CACNA2D3: variants seen among roughly 807,000 people sequenced by gnomAD.
CACNA2D3 encodes voltage-dependent calcium channel subunit alpha-2/delta-3.
CACNA2D3 carries 60 observed loss-of-function variants against 160.6 expected under a neutral mutation model. The ratio of observed to expected loss-of-function variants is 0.37; its 90% CI spans 0.30 to 0.46. The LOEUF (loss-of-function observed/expected upper bound fraction) is 0.46, where lower values mean the gene tolerates loss of function less well. Ranked by LOEUF, CACNA2D3 falls within the 20% of genes least tolerant of loss-of-function variation. The probability of loss-of-function intolerance (pLI) is 1.00; values close to 1 mark genes in which losing one functional copy is unlikely to be tolerated. For missense variants in CACNA2D3, 1,205 were observed against 1,365.0 expected (o/e 0.88, Z 1.85); for synonymous variants, 558 against 492.9 (o/e 1.13, Z -1.75).
intron 2 of CACNA2D3, among the ~76,000 whole-genome samples, chr3:54,307,499 T>C (rs1365037804): frequency 6.6e-6 from 1 of 152,174 alleles, no homozygotes; most frequent in Non-Finnish European, 1.5e-5. Flanking sequence ...TAGGGAATTA[T>C]ATGTCAGCGT....
rs59534343 is a variant in CACNA2D3, at chr3:54,303,818, G to GTTTTTTGT, written c.205-16618_205-16617insGTTTTTTT. On this transcript the variant is annotated intron_variant, in intron 2 of 37. Transcript: ENST00000474759. ...CAGCCTCATCAGTGACTTTTTTTCT[G>GTTTTTTGT]TTTTTTTTTTTTTTTTTTTTCTATT... 1.1e-3 allele frequency among the ~76,000 whole-genome samples: 123 copies of GTTTTTTGT among 115,004 alleles called. 11 individuals carry two copies. Among genetic ancestry groups the GTTTTTTGT allele is most frequent in the Non-Finnish European group, 1.3e-3 (77 of 58,420 alleles). The allele number at this position is 115,004 out of a possible 152,430, so 75.4% of individuals were successfully genotyped here.
chr3:54,894,602 A>G, intron 25 of CACNA2D3: 2 of 516,352 alleles, frequency 3.9e-6, no homozygotes. Flanking sequence ...TGTAATGACC[A>G]CTGAACAGAC....
rs66526065 is a variant in CACNA2D3, at chr3:54,554,870, C to CTTTTTTTTTTTTTTTTTTTTTTTTT, written c.545-7909_545-7908insTTTTTTTTTTTTTTTTTTTTTTTTT. Among the ~76,000 whole-genome samples the CTTTTTTTTTTTTTTTTTTTTTTTTT allele has an allele frequency of 1.7e-4, 16 of 96,130 alleles. 1 individual carries two copies. The highest frequency in any genetic ancestry group is 3.0e-4 in the African/African-American group (7 of 23,608). 63.1% of individuals were successfully genotyped at this position (96,130 alleles called of 152,430 possible). A position where few individuals can be genotyped will look rare whatever the true frequency, so the allele number is the denominator to read the frequency against. On this transcript the variant is annotated intron_variant, in intron 5 of 37. Coordinates refer to ENST00000474759, the MANE Select transcript of CACNA2D3 (RefSeq NM_018398.3). Reference sequence around the variant, plus strand: ...TTTCTTTTCTTTTCTCTCTCACTCTCTTTTTTTTTTTTTTTTTTTTTGGAG... The same window carrying CTTTTTTTTTTTTTTTTTTTTTTTTT: ...TTTCTTTTCTTTTCTCTCTCACTCTCTTTTTTTTTTTTTTTTTTTTTTTTTTTTTTTTTTTTTTTTTTTTTTGGAG...
At chr3:54,186,487 G>A (rs1045433554) in intron 2 of CACNA2D3, among the ~76,000 whole-genome samples, 9 of 152,046 alleles carry the variant, frequency 5.9e-5, no homozygotes, top group African/African-American at 1.9e-4. Context: ...AGGGGGCATT[G>A]GGGAAGTATT....
chr3:54,455,812 C>T (rs543558479), intron 4 of CACNA2D3, among the ~76,000 whole-genome samples: 1 of 152,230 alleles, frequency 6.6e-6, no homozygotes, highest in African/African-American at 2.4e-5. Flanking sequence ...GTATTTCCAG[C>T]ACCATTTATT....
chr3:54,327,361 A>G (rs1279496593), intron 3 of CACNA2D3, among the ~76,000 whole-genome samples: 1 of 152,224 alleles, frequency 6.6e-6, no homozygotes, highest in Admixed American at 6.5e-5. Context: ...TCAGTTTTCC[A>G]TCAGCCTCAC....
Position 54,831,022 on chromosome 3 carries a change from A to AACATAGTCAAT in CACNA2D3, c.1399-6135_1399-6125dup, listed in dbSNP as rs571958557. 4.4e-3 allele frequency among the ~76,000 whole-genome samples: 672 copies of AACATAGTCAAT among 152,350 alleles called. 5 individuals are homozygous for AACATAGTCAAT. Among genetic ancestry groups the AACATAGTCAAT allele is most frequent in the Middle Eastern group, 6.8e-3 (2 of 294 alleles). On this transcript the variant is annotated intron_variant, in intron 14 of 37. Coordinates refer to ENST00000474759, the MANE Select transcript of CACNA2D3 (RefSeq NM_018398.3). ...GTATTATACATTTATATTATTTACT[A>AACATAGTCAAT]ACATAGTCAATATGTTGATCAATGT...
At chr3:54,777,872 G>C (rs1277443344) in intron 13 of CACNA2D3, among the ~76,000 whole-genome samples, 1 of 152,196 alleles carries the variant, frequency 6.6e-6, no homozygotes, top group Non-Finnish European at 1.5e-5. Flanking sequence ...GACTTTTTCT[G>C]TCTGCCTCTG....
At chr3:55,020,655 GC>G (rs1306288665) in intron 35 of CACNA2D3, among the ~76,000 whole-genome samples, 8 of 151,826 alleles carry the variant, frequency 5.3e-5, no homozygotes, top group African/African-American at 1.7e-4. Context: ...TTTGAGACCA[GC>G]CTGGCCAACA....
chr3:54,843,330 G>C (rs148231581), intron 16 of CACNA2D3, among the ~76,000 whole-genome samples: 1 of 152,208 alleles, frequency 6.6e-6, no homozygotes, highest in East Asian at 1.9e-4. Context: ...GCAAAGTGCA[G>C]GTCAGGAGAG....
intron 3 of CACNA2D3, among the ~76,000 whole-genome samples, chr3:54,348,751 C>T (rs182067615): frequency 5.3e-4 from 80 of 152,186 alleles, no homozygotes; most frequent in African/African-American, 1.2e-3. Flanking sequence ...TTTTTTGAGA[C>T]GGAGTCTCGC....
At chr3:54,412,610 C>CTTTTT (rs774491527) in intron 4 of CACNA2D3, among the ~76,000 whole-genome samples, 1 of 120,618 alleles carries the variant, frequency 8.3e-6, no homozygotes, top group Non-Finnish European at 1.7e-5. Flanking sequence ...TGGTCTTGTT[C>CTTTTT]TTTTTTTTTT....
In CACNA2D3 at chr3:54,819,611, C is replaced by G. The variant is rs4955896; in HGVS notation, c.1398+2741C>G. Among the ~76,000 whole-genome samples, 1,323 of 152,274 alleles carry G rather than the reference C, an allele frequency of 8.7e-3. 36 individuals carry two copies. Among genetic ancestry groups the G allele is most frequent in the Admixed American group, 0.043 (654 of 15,294 alleles). ...CCTGTAATCCTAGTGCTTTGGGAGG[C>G]CGAGGCAGGTGGATTACGAGGTCAG... On this transcript the variant is annotated intron_variant, in intron 14 of 37. Transcript: ENST00000474759.
At chr3:54,213,961 T>A (rs1701420839) in intron 2 of CACNA2D3, among the ~76,000 whole-genome samples, 1 of 152,280 alleles carries the variant, frequency 6.6e-6, no homozygotes, top group South Asian at 2.1e-4. Context: ...GAGTGGTTGG[T>A]CCACCACTGG....
chr3:54,891,554 A>G (rs1017814774), intron 25 of CACNA2D3, 104 bp downstream of exon 25: 11 of 909,216 alleles, frequency 1.2e-5, no homozygotes, highest in Non-Finnish European at 1.9e-5. Flanking sequence ...TAGAAACATA[A>G]TTTAGGCCAC....
chr3:54,253,107 C>CT lies in CACNA2D3; in HGVS notation c.205-67320dup, dbSNP rs34188932. Among the ~76,000 whole-genome samples, 1,224 of 138,564 alleles carry CT rather than the reference C, an allele frequency of 8.8e-3. 8 individuals carry two copies. The highest frequency in any genetic ancestry group is 0.015 in the East Asian group (70 of 4,700). 90.9% of individuals were successfully genotyped at this position (138,564 alleles called of 152,430 possible). A position where few individuals can be genotyped will look rare whatever the true frequency, so the allele number is the denominator to read the frequency against. ...AAAACTGCCCTGAGTTTAACCAACT[C>CT]TTTTTTTTTTTTTTTGCTCAGATCA... On this transcript the variant is annotated intron_variant, in intron 2 of 37. Coordinates refer to ENST00000474759, the MANE Select transcript of CACNA2D3 (RefSeq NM_018398.3).
chr3:54,640,355 G>GATT (rs1699488270), intron 10 of CACNA2D3, among the ~76,000 whole-genome samples: 1 of 152,214 alleles, frequency 6.6e-6, no homozygotes. Flanking sequence ...GAAGGTTGAA[G>GATT]ATTTTGTATG....
intron 2 of CACNA2D3, among the ~76,000 whole-genome samples, chr3:54,259,584 T>A (rs1308403032): frequency 6.6e-6 from 1 of 152,150 alleles, no homozygotes. Flanking sequence ...TCCAGAAGGA[T>A]ACAGCTGAGC....
chr3:54,924,497 G>A, intron 27 of CACNA2D3: 2 of 771,688 alleles, frequency 2.6e-6, no homozygotes, highest in Non-Finnish European at 4.2e-6. Flanking sequence ...TGGCACCGAT[G>A]TGTAAAAGCC....
Sources: gnomAD v4.1 joint callset for allele counts (sites outside exome capture counted in the v4.1 genomes callset) on GRCh38, gnomAD v4.1.1 for gene constraint, MANE v1.5 for transcripts, NCBI Gene and HGNC (gene_info 2026-07-23, HGNC 2026-07-21) for gene names.